COL6A6: variants seen among roughly 807,000 people sequenced by gnomAD.
The protein encoded by COL6A6 is collagen type VI alpha 6 chain.
Under a neutral mutation model 208.6 loss-of-function variants are expected in COL6A6, and 183 were observed. The observed-to-expected ratio is 0.88, with a 90% CI of 0.78 to 0.99. COL6A6 has a LOEUF of 0.99. Ranked by LOEUF, COL6A6 falls within the 50% of genes least tolerant of loss-of-function variation. COL6A6 has a pLI of 0.00. For synonymous variants in COL6A6, 973 were observed against 1,011.8 expected, an observed-to-expected ratio of 0.96 and a Z score of 0.73; for missense variants, 2,816 against 2,815.2, an observed-to-expected ratio of 1.00 and a Z score of -0.01.
At chr3:130,617,204 G>A (rs1172102709) in intron 23 of COL6A6, among the ~76,000 whole-genome samples, 2 of 152,164 alleles carry the variant, frequency 1.3e-5, no homozygotes, top group Non-Finnish European at 2.9e-5. Context: ...AGTGCTGCTT[G>A]TGTGTTGGGC....
In COL6A6 at chr3:130,570,885, T is replaced by C; in HGVS notation, c.2469T>C (p.Asp823=). The C allele has an allele frequency of 6.2e-7, 1 of 1,613,956 alleles. No individual in the cohort carries two copies. Among genetic ancestry groups the C allele is most frequent in the Non-Finnish European group, 8.5e-7 (1 of 1,179,848 alleles). ...VIDSSGSIDY[D]EYNIMKDFMI... is the part of the protein sequence containing the mutation. ...ATAGCTCTGGCAGTATTGACTATGATGAGTATAATATCATGAAGGATTTTA... is the reference window on the plus strand; with the variant it reads ...ATAGCTCTGGCAGTATTGACTATGACGAGTATAATATCATGAAGGATTTTA... The change falls in exon 7 of 37, where the codon GAT becomes GAC. Residue 823 remains aspartate (D), a synonymous_variant. Transcript: ENST00000358511.
At chr3:130,591,502 A>T (rs1168132557) in intron 13 of COL6A6, among the ~76,000 whole-genome samples, 1 of 152,186 alleles carries the variant, frequency 6.6e-6, no homozygotes, top group African/African-American at 2.4e-5. Context: ...CCAATTATAT[A>T]TAAACATCTT....
chr3:130,556,438 G>A (rs1412312556), intron 1 of COL6A6, among the ~76,000 whole-genome samples: 1 of 152,050 alleles, frequency 6.6e-6, no homozygotes, highest in African/African-American at 2.4e-5. Context: ...TTCTTGAAAG[G>A]TTGGTGGAAC....
chr3:130,542,460 A>G (rs2062391856), intron 1 of COL6A6, among the ~76,000 whole-genome samples: 1 of 152,086 alleles, frequency 6.6e-6, no homozygotes, highest in Non-Finnish European at 1.5e-5. Flanking sequence ...TATCTTGGTG[A>G]ATGTTCCATG....
intron 1 of COL6A6, among the ~76,000 whole-genome samples, chr3:130,525,725 C>T (rs966207480): frequency 6.6e-6 from 1 of 152,174 alleles, no homozygotes; most frequent in Non-Finnish European, 1.5e-5. Flanking sequence ...CTCCCCTTCT[C>T]TCCCTGTGTT....
At chr3:130,634,081 A>G (rs1377488519) in intron 26 of COL6A6, among the ~76,000 whole-genome samples, 1 of 103,872 alleles carries the variant, frequency 9.6e-6, no homozygotes, top group African/African-American at 6.4e-5. Context: ...AAAAAATGCC[A>G]GTTACATTCT....
At chr3:130,590,076 A>C (rs1428552193) in intron 12 of COL6A6, 2 of 416,306 alleles carry the variant, frequency 4.8e-6, no homozygotes, top group Non-Finnish European at 9.6e-6. Flanking sequence ...TAAATCTTAA[A>C]AGATTTTTTA....
intron 13 of COL6A6, among the ~76,000 whole-genome samples, chr3:130,591,888 T>C (rs2063724667): frequency 6.6e-6 from 1 of 152,098 alleles, no homozygotes; most frequent in Non-Finnish European, 1.5e-5. Context: ...ATTTGAAGGA[T>C]GAATAGGAAT....
chr3:130,575,121 G>A (rs186319389), intron 8 of COL6A6, among the ~76,000 whole-genome samples: 2 of 152,084 alleles, frequency 1.3e-5, no homozygotes, highest in African/African-American at 4.8e-5. Flanking sequence ...AACTACCAAA[G>A]GTAAACATTA....
At chr3:130,578,403 G>A (rs952215399) in intron 8 of COL6A6, among the ~76,000 whole-genome samples, 2 of 152,164 alleles carry the variant, frequency 1.3e-5, no homozygotes, top group Admixed American at 6.5e-5. Flanking sequence ...GAGTTTACAT[G>A]CCAATACTTT....
intron 36 of COL6A6, among the ~76,000 whole-genome samples, chr3:130,673,158 G>A (rs57120020): frequency 0.21 from 26,895 of 126,632 alleles, 2,820 homozygotes; most frequent in South Asian, 0.37. Flanking sequence ...CAGCCTGGGC[G>A]ACAGAGCAAG....
At chr3:130,606,745 C>A (rs529289707) in intron 20 of COL6A6, among the ~76,000 whole-genome samples, 186 bp from the exon 21 acceptor site, 4 of 152,174 alleles carry the variant, frequency 2.6e-5, no homozygotes, top group Admixed American at 1.3e-4. Context: ...TATTCAATTG[C>A]CCTAGGATAG....
chr3:130,647,345 C>T (rs1576391977), intron 32 of COL6A6, among the ~76,000 whole-genome samples: 1 of 152,160 alleles, frequency 6.6e-6, no homozygotes, highest in African/African-American at 2.4e-5. Flanking sequence ...CCTTCACCCA[C>T]CCTTCTCTCT....
At chr3:130,606,049 T>G (rs889175258) in intron 20 of COL6A6, among the ~76,000 whole-genome samples, 1 of 152,256 alleles carries the variant, frequency 6.6e-6, no homozygotes, top group Non-Finnish European at 1.5e-5. Context: ...ACAGCCAAAC[T>G]ATATCAAATA....
chr3:130,672,939 G>C (rs918898644), intron 36 of COL6A6, among the ~76,000 whole-genome samples: 1 of 150,816 alleles, frequency 6.6e-6, no homozygotes, highest in South Asian at 2.1e-4. Context: ...AAACCCGGGG[G>C]GGCAAAGGTT....
intron 10 of COL6A6, among the ~76,000 whole-genome samples, chr3:130,585,038 CA>C (rs1055699709): frequency 8.5e-5 from 13 of 152,154 alleles, no homozygotes; most frequent in African/African-American, 2.4e-4. Context: ...CATATAAAAT[CA>C]TATCATATAA....
chr3:130,656,732 A>G (rs898156199), intron 33 of COL6A6, among the ~76,000 whole-genome samples: 2 of 152,200 alleles, frequency 1.3e-5, no homozygotes, highest in Non-Finnish European at 2.9e-5. Flanking sequence ...GGGTGCCTAC[A>G]GGCCAGTACC....
intron 6 of COL6A6, among the ~76,000 whole-genome samples, chr3:130,569,939 G>T (rs1182146758): frequency 6.6e-6 from 1 of 152,180 alleles, no homozygotes; most frequent in African/African-American, 2.4e-5. Context: ...TGGGGGGTGG[G>T]TGCTTTCTCA....
chr3:130,564,997 G>A lies in COL6A6; in HGVS notation c.665G>A (p.Cys222Tyr), dbSNP rs1484487163. ...TTGTTTATTTCTTGCCACACAGCTTGCCAAGGCCCTTCTATGGCCGATGTT... is the reference window on the plus strand; with the variant it reads ...TTGTTTATTTCTTGCCACACAGCTTACCAAGGCCCTTCTATGGCCGATGTT... ...GAVDDIFVEA[C>Y]QGPSMADVVF... Residue 222 changes from cysteine (C) to tyrosine (Y), a missense_variant, in exon 4 of 37, where the codon TGC becomes TAC. Cys to Tyr is a radical substitution (Grantham distance 194). Transcript: ENST00000358511. 6.2e-7 allele frequency: 1 copy of A among 1,612,244 alleles called. No individual in the cohort carries two copies. Among genetic ancestry groups the A allele is most frequent in the South Asian group, 1.1e-5 (1 of 90,890 alleles).
Sources: allele counts gnomAD v4.1 joint callset (sites outside exome capture counted in the v4.1 genomes callset), GRCh38; gene constraint gnomAD v4.1.1; transcripts MANE v1.5; gene names NCBI Gene and HGNC (gene_info 2026-07-23, HGNC 2026-07-21).